The following MIB1 variants were observed in gnomAD, a reference collection of about 807,000 sequenced individuals.
The protein encoded by MIB1 is E3 ubiquitin-protein ligase MIB1.
A neutral mutation model predicts 124.5 loss-of-function variants in MIB1; 278 were observed. That is an observed-to-expected ratio of 2.23 (90% CI 2.02 to 2.47). MIB1 has a LOEUF of 2.47. MIB1 is among the 30% of genes most tolerant of loss of function. The pLI is 0.00. For missense variants in MIB1, 957 were observed against 1,254.4 expected, an observed-to-expected ratio of 0.76 and a Z score of 3.58; for synonymous variants, 446 against 429.4, an observed-to-expected ratio of 1.04 and a Z score of -0.48.
chr18:21,813,060 A>G (rs1406839617), intron 10 of MIB1, among the ~76,000 whole-genome samples: 2 of 152,092 alleles, frequency 1.3e-5, no homozygotes, highest in African/African-American at 4.8e-5. Flanking sequence ...TCCTTTTGAC[A>G]AACATATCAG....
At chr18:21,830,611 C>T (rs77054963) in intron 12 of MIB1, 117 of 152,244 alleles carry the variant, frequency 7.7e-4, no homozygotes, top group African/African-American at 2.7e-3. Context: ...CCTTATGGTG[C>T]TCTGTTACCT....
chr18:21,806,744 C>T (rs568200955), intron 10 of MIB1, among the ~76,000 whole-genome samples: 1 of 152,170 alleles, frequency 6.6e-6, no homozygotes, highest in Non-Finnish European at 1.5e-5. Flanking sequence ...CCGCCTCAGC[C>T]TCCCGAGTAG....
Position 21,741,699 on chromosome 18 carries a change from T to G in MIB1, c.116T>G (p.Val39Gly). The G allele has an allele frequency of 6.2e-7, 1 of 1,611,488 alleles. No homozygotes were observed. Among genetic ancestry groups the G allele is most frequent in the African/African-American group, 1.3e-5 (1 of 75,018 alleles). Residue 39 changes from valine to glycine, a missense_variant, in exon 1 of 21, where the codon GTC becomes GGC. By Grantham distance (109) the Val-to-Gly change is moderately radical. Coordinates refer to ENST00000261537, the MANE Select transcript of MIB1 (RefSeq NM_020774.4). This position sits in a 1 kb window ranked among gnomAD's most constrained non-coding sequence, Gnocchi z 5.4. Reference sequence around the variant, plus strand: ...GGCGGCGAGGGCCATGTGGGCACCGTCCGGAGCTTCGAGAGCCCCGAGGAG... The same window carrying G: ...GGCGGCGAGGGCCATGTGGGCACCGGCCGGAGCTTCGAGAGCCCCGAGGAG... ...QDGGEGHVGT[V>G]RSFESPEEVV...
intron 1 of MIB1, among the ~76,000 whole-genome samples, chr18:21,723,522 TG>T (rs1225882459): frequency 3.9e-5 from 6 of 152,132 alleles, no homozygotes; most frequent in Non-Finnish European, 5.9e-5. Context: ...TATCTATAAT[TG>T]TTTTTTTTTT....
intron 3 of MIB1, among the ~76,000 whole-genome samples, chr18:21,769,548 C>G (rs979185229): frequency 2.6e-5 from 4 of 152,154 alleles, no homozygotes; most frequent in African/African-American, 9.7e-5. Context: ...AACAAAGATG[C>G]CTTTGCCTCT....
intron 1 of MIB1, among the ~76,000 whole-genome samples, chr18:21,729,451 G>A (rs1163796642): frequency 2.0e-5 from 3 of 152,096 alleles, no homozygotes; most frequent in East Asian, 3.8e-4. Context: ...TTCTTACATG[G>A]TAGACGATGC....
Position 21,867,078 on chromosome 18 carries a change from CT to C in MIB1, c.*2416del, listed in dbSNP as rs1367605932. ...ATCTTGTGCCTCAAAAGAGCTTTTA[CT>C]TTTCTTAGAAACATTTATAAAAAAG... is the stretch of plus-strand genomic sequence containing the variant. On this transcript the variant is annotated 3_prime_UTR_variant, in exon 21 of 21. Coordinates refer to ENST00000261537, the MANE Select transcript of MIB1 (RefSeq NM_020774.4). The C allele has an allele frequency of 2.0e-5, 3 of 152,542 alleles. No homozygotes were observed. The highest frequency in any genetic ancestry group is 2.9e-5 in the Non-Finnish European group (2 of 68,014). The allele number at this position is 152,542 out of a possible 1,614,324, so 9.4% of individuals were successfully genotyped here. A position where few individuals can be genotyped will look rare whatever the true frequency, so the allele number is the denominator to read the frequency against.
chr18:21,708,697 C>A (rs2040651683), intron 1 of MIB1, among the ~76,000 whole-genome samples: 1 of 152,022 alleles, frequency 6.6e-6, no homozygotes, highest in African/African-American at 2.4e-5. Context: ...CCAATTTATA[C>A]ATGAGGAAAT....
chr18:21,724,730 ATATATATATATAT>A (rs2040732772), intron 1 of MIB1, among the ~76,000 whole-genome samples: 11 of 41,390 alleles, frequency 2.7e-4, no homozygotes, highest in African/African-American at 9.1e-4. Context: ...AAAAAAAAAT[ATATATATATATAT>A]ATATATATAT....
intron 12 of MIB1, chr18:21,828,636 A>G (rs1598630912): frequency 6.2e-6 from 1 of 161,060 alleles, no homozygotes; most frequent in African/African-American, 2.4e-5. Context: ...AATTGTGGAG[A>G]CAGAAAATAG....
intron 8 of MIB1, among the ~76,000 whole-genome samples, chr18:21,798,453 G>C (rs572751548): frequency 2.6e-5 from 4 of 152,172 alleles, no homozygotes; most frequent in East Asian, 3.9e-4. Context: ...CCCTGGAGAA[G>C]TTCCATAAAA....
At chr18:21,721,910 A>G (rs1323993205) in intron 1 of MIB1, among the ~76,000 whole-genome samples, 2 of 152,310 alleles carry the variant, frequency 1.3e-5, no homozygotes, top group African/African-American at 2.4e-5. Context: ...CTGATACATT[A>G]CTATTAACCA....
At chr18:21,828,779 C>G (rs371366816) in intron 12 of MIB1, 3 of 191,958 alleles carry the variant, frequency 1.6e-5, no homozygotes, top group African/African-American at 7.2e-5. Flanking sequence ...AAAGGAGTTT[C>G]ATGATAATTG....
rs529300502 is a variant in MIB1 at position 21,729,665 on chromosome 18, A to C, written n.167+24542A>C. 5.3e-5 allele frequency among the ~76,000 whole-genome samples: 8 copies of C among 152,022 alleles called. No homozygotes were observed. In the South Asian group the frequency reaches 1.7e-3, roughly 32 times the overall value. ...CAACCATGCCCGGCTAAGTTTTGTA[A>C]TTTTAGTTGAGACAGGATTTTGCCA... On this transcript the variant is annotated intron_variant and non_coding_transcript_variant, in intron 1 of 20. Transcript: ENST00000578646.
At chr18:21,770,609 C>T (rs541007776) in intron 3 of MIB1, among the ~76,000 whole-genome samples, 39 of 152,228 alleles carry the variant, frequency 2.6e-4, no homozygotes, top group African/African-American at 7.7e-4. Context: ...CATGAGCCAC[C>T]GCGCCCAGCC....
rs185830361 is a variant in MIB1 at position 21,755,169 on chromosome 18, A to C, written c.230-10603A>C. 3.7e-3 allele frequency among the ~76,000 whole-genome samples: 556 copies of C among 152,150 alleles called. 4 individuals are homozygous for C. Among genetic ancestry groups the C allele is most frequent in the Middle Eastern group, 6.8e-3 (2 of 294 alleles). The stretch of plus-strand genomic sequence containing the variant: ...CTGGGAACATAGTTACAGCAATTTA[A>C]CCATTTCCTCAGATGGAACTAGGAA... On this transcript the variant is annotated intron_variant, in intron 1 of 20. Transcript: ENST00000261537.
chr18:21,816,744 G>A (rs2041832993), intron 11 of MIB1, among the ~76,000 whole-genome samples: 1 of 152,092 alleles, frequency 6.6e-6, no homozygotes, highest in Non-Finnish European at 1.5e-5. Flanking sequence ...TGGGAATGAG[G>A]GCTTGAGAAG....
intron 6 of MIB1, among the ~76,000 whole-genome samples, chr18:21,788,328 G>A (rs746434213): frequency 6.6e-6 from 1 of 152,114 alleles, no homozygotes; most frequent in Non-Finnish European, 1.5e-5. Flanking sequence ...GCTTACCTAG[G>A]TATAGCATTA....
At chr18:21,840,711 G>T (rs2042080826) in intron 13 of MIB1, among the ~76,000 whole-genome samples, 1 of 147,652 alleles carries the variant, frequency 6.8e-6, no homozygotes, top group African/African-American at 2.5e-5. Context: ...ATGTGCCTGT[G>T]TCCCAGGTAC....
Sources: allele counts gnomAD v4.1 joint callset (sites outside exome capture counted in the v4.1 genomes callset), GRCh38; gene constraint gnomAD v4.1.1; non-coding constraint Gnocchi (gnomAD v3.1); transcripts MANE v1.5; gene names NCBI Gene and HGNC (gene_info 2026-07-23, HGNC 2026-07-21).